The following GPCPD1 variants were observed in gnomAD, a reference collection of about 807,000 sequenced individuals.
GPCPD1 encodes the protein glycerophosphocholine phosphodiesterase GPCPD1.
A neutral mutation model predicts 89.2 loss-of-function variants in GPCPD1; 29 were observed. The observed-to-expected ratio is 0.33, with a 90% CI of 0.24 to 0.44. GPCPD1 has a LOEUF of 0.44. GPCPD1 is among the 20% of genes least tolerant of loss of function. The pLI is 1.00. For synonymous variants in GPCPD1, 258 were observed against 266.3 expected (o/e 0.97, Z 0.30); for missense variants, 594 against 808.9 (o/e 0.73, Z 3.22).
In GPCPD1 at chr20:5,569,787, T is replaced by C. The variant is rs143329345; in HGVS notation, c.1149+360A>G. Among the ~76,000 whole-genome samples, 566 of 152,316 alleles carry C rather than the reference T, an allele frequency of 3.7e-3. 2 individuals are homozygous for C. The highest frequency in any genetic ancestry group is 5.2e-3 in the Non-Finnish European group (352 of 68,034). ...CACTGTGGCTCACTAGCCTTATTAA[T>C]TGAAGAAGCTTGAAGCAGAAACAGC... On this transcript the variant is annotated intron_variant, in intron 12 of 19. Coordinates refer to ENST00000379019, the MANE Select transcript of GPCPD1 (RefSeq NM_019593.5).
At chr20:5,601,881 GGGGAATATGGCTGCT>G (rs1182684284) in intron 2 of GPCPD1, among the ~76,000 whole-genome samples, 1 of 150,866 alleles carries the variant, frequency 6.6e-6, no homozygotes, top group African/African-American at 2.4e-5. Context: ...GCTGATTCCA[GGGGAATATGGCTGCT>G]GAAAATGAGG....
intron 4 of GPCPD1, among the ~76,000 whole-genome samples, chr20:5,591,091 T>G (rs1169001495): frequency 6.6e-6 from 1 of 152,222 alleles, no homozygotes; most frequent in African/African-American, 2.4e-5. Context: ...GTGGACTACC[T>G]GCAGATTCAT....
intron 19 of GPCPD1, among the ~76,000 whole-genome samples, chr20:5,556,926 T>C (rs191022030): frequency 4.6e-5 from 7 of 152,222 alleles, no homozygotes; most frequent in African/African-American, 1.7e-4. Flanking sequence ...ACACAGAATA[T>C]GTGGTGTGTC....
At chr20:5,607,508 G>A (rs933403383) in intron 1 of GPCPD1, among the ~76,000 whole-genome samples, 2 of 151,882 alleles carry the variant, frequency 1.3e-5, no homozygotes, top group African/African-American at 4.8e-5. Flanking sequence ...AACCCAGGAG[G>A]TGGAGGTTGT....
At chr20:5,602,146 T>C (rs1397065068) in intron 2 of GPCPD1, among the ~76,000 whole-genome samples, 1 of 152,208 alleles carries the variant, frequency 6.6e-6, no homozygotes, top group Non-Finnish European at 1.5e-5. Context: ...ATGGGGGAAT[T>C]GAGGTGGGGT....
rs536851692 is a variant in GPCPD1, at chr20:5,597,978, G to C, written c.146+747C>G. ...CTTTTATAGGCAAATACAAAAATTA[G>C]ATCTCTTATCAAGAATATGTACTTA... On this transcript the variant is annotated intron_variant, in intron 3 of 19. Transcript: ENST00000379019. 2.6e-4 allele frequency among the ~76,000 whole-genome samples: 40 copies of C among 151,968 alleles called. 2 individuals carry two copies. The South Asian group carries it at 8.1e-3, about 31-fold the overall frequency.
chr20:5,605,261 A>C (rs1018501606), intron 1 of GPCPD1, among the ~76,000 whole-genome samples: 3 of 152,220 alleles, frequency 2.0e-5, no homozygotes, highest in Non-Finnish European at 4.4e-5. Flanking sequence ...TTCTCTTCTG[A>C]TAAGCAGCTG....
At chr20:5,563,371 G>A (rs918238389) in intron 15 of GPCPD1, among the ~76,000 whole-genome samples, 3 of 152,116 alleles carry the variant, frequency 2.0e-5, no homozygotes, top group African/African-American at 7.2e-5. Context: ...TGTCAAACCT[G>A]TATCACAATT....
intron 1 of GPCPD1, among the ~76,000 whole-genome samples, chr20:5,608,615 C>T (rs928170426): frequency 4.0e-5 from 3 of 75,764 alleles, no homozygotes; most frequent in South Asian, 3.5e-4. Flanking sequence ...TTCTTCTAAA[C>T]AAGGAAGAAA....
intron 11 of GPCPD1, among the ~76,000 whole-genome samples, chr20:5,571,611 A>AT (rs528502887): frequency 1.1e-3 from 160 of 152,310 alleles, no homozygotes; most frequent in African/African-American, 3.6e-3. Flanking sequence ...CAAAAAGCAC[A>AT]TATCTAAAAA....
Position 5,545,860 on chromosome 20 carries a change from T to G in GPCPD1, c.*1801A>C, listed in dbSNP as rs1433985600. 3 of 152,308 alleles carry G rather than the reference T, an allele frequency of 2.0e-5. No homozygotes were observed. The highest frequency in any genetic ancestry group is 7.2e-5 in the African/African-American group (3 of 41,442). 9.4% of individuals were successfully genotyped at this position (152,308 alleles called of 1,614,324 possible). A position where few individuals can be genotyped will look rare whatever the true frequency, so the allele number is the denominator to read the frequency against. ...TCCTTCCTTCATCCTTTCTTCTGTCTCCTTTTTCTCTTTATGATCTGCTTC... is the reference window on the plus strand; with the variant it reads ...TCCTTCCTTCATCCTTTCTTCTGTCGCCTTTTTCTCTTTATGATCTGCTTC... On this transcript the variant is annotated 3_prime_UTR_variant, in exon 20 of 20. Coordinates refer to ENST00000379019, the MANE Select transcript of GPCPD1 (RefSeq NM_019593.5).
intron 4 of GPCPD1, among the ~76,000 whole-genome samples, chr20:5,586,660 T>G (rs1227929489): frequency 6.6e-6 from 1 of 152,220 alleles, no homozygotes; most frequent in Admixed American, 6.5e-5. Flanking sequence ...ATAAAGTATG[T>G]ACCTCCTGCT....
chr20:5,574,594 T>C (rs1024034065), intron 10 of GPCPD1, among the ~76,000 whole-genome samples: 8 of 152,040 alleles, frequency 5.3e-5, no homozygotes, highest in South Asian at 2.1e-4. Context: ...AAAAAATAGC[T>C]GGGCATGGTA....
chr20:5,602,768 A>G (rs1980252833), intron 2 of GPCPD1, among the ~76,000 whole-genome samples: 1 of 152,136 alleles, frequency 6.6e-6, no homozygotes, highest in African/African-American at 2.4e-5. Context: ...AGATGACCTT[A>G]GGTCAGGAGT....
intron 17 of GPCPD1, among the ~76,000 whole-genome samples, chr20:5,559,358 G>T (rs1474640569): frequency 1.3e-5 from 2 of 152,218 alleles, no homozygotes; most frequent in East Asian, 3.8e-4. Context: ...AGCCAAGGCA[G>T]GAAGCTCACT....
chr20:5,562,609 G>A (rs1253896939), intron 15 of GPCPD1, among the ~76,000 whole-genome samples: 1 of 152,104 alleles, frequency 6.6e-6, no homozygotes, highest in African/African-American at 2.4e-5. Context: ...CAAAATTTTA[G>A]GTATCAAAGA....
In GPCPD1 at chr20:5,560,022, C is replaced by T; in HGVS notation, c.1450G>A (p.Asp484Asn). Residue 484 changes from aspartate to asparagine, a missense_variant, in exon 17 of 20, where the codon GAT (aspartate) becomes AAT (asparagine). By Grantham distance (23) the Asp-to-Asn change is conservative. Coordinates refer to ENST00000379019, the MANE Select transcript of GPCPD1 (RefSeq NM_019593.5). ...TCTAAAACAGTTTTTAAAATTATAT[C>T]CAAAAACAGATTCATGTCAAAATAT... ...STYFDMNLFL[D>N]IILKTVLENS... 6.3e-7 allele frequency: 1 copy of T among 1,575,222 alleles called. No homozygotes were observed. The highest frequency in any genetic ancestry group is 8.7e-7 in the Non-Finnish European group (1 of 1,153,146).
Position 5,565,037 on chromosome 20 carries a change from G to A in GPCPD1, c.1309C>T (p.Pro437Ser). Residue 437 changes from proline to serine, a missense_variant, in exon 15 of 20, where the codon CCA becomes TCA. By Grantham distance (74) the Pro-to-Ser change is moderately conservative. Coordinates refer to ENST00000379019, the MANE Select transcript of GPCPD1 (RefSeq NM_019593.5). ...QEENSFSENQPFPSLKMVLES... is the reference protein window; with the variant it reads ...QEENSFSENQSFPSLKMVLES... ...CTTACCATCTTAAGAGAAGGAAATG[G>A]CTGATTTTCTGAAAAGGAATTTTCC... 6.5e-7 allele frequency: 1 copy of A among 1,530,558 alleles called. No individual in the cohort carries two copies. The highest frequency in any genetic ancestry group is 9.1e-7 in the Non-Finnish European group (1 of 1,104,270). The allele number at this position is 1,530,558 out of a possible 1,614,324, so 94.8% of individuals were successfully genotyped here.
At chr20:5,595,728 T>C (rs1459872550) in intron 3 of GPCPD1, among the ~76,000 whole-genome samples, 1 of 152,042 alleles carries the variant, frequency 6.6e-6, no homozygotes, top group Non-Finnish European at 1.5e-5. Flanking sequence ...TCAGAATCCT[T>C]TTCAACAGAG....
Sources: gnomAD v4.1 joint callset for allele counts (sites outside exome capture counted in the v4.1 genomes callset) on GRCh38, gnomAD v4.1.1 for gene constraint, MANE v1.5 for transcripts, NCBI Gene and HGNC (gene_info 2026-07-23, HGNC 2026-07-21) for gene names.